GPBP1L1: variants seen among roughly 807,000 people sequenced by gnomAD.
The protein encoded by GPBP1L1 is GC-rich promoter binding protein 1 like 1.
A neutral mutation model predicts 52.5 loss-of-function variants in GPBP1L1; 23 were observed. That is an observed-to-expected ratio of 0.44 (90% CI 0.32 to 0.62). The LOEUF is 0.62. Ranked by LOEUF, GPBP1L1 falls within the 20% of genes least tolerant of loss-of-function variation. The pLI, the probability that GPBP1L1 is intolerant of heterozygous loss-of-function variation, is 0.06. For missense variants in GPBP1L1, 596 were observed against 579.3 expected (o/e 1.03, Z -0.30); for synonymous variants, 243 against 203.1 (o/e 1.20, Z -1.67).
At position 45,660,294 on chromosome 1, in the gene GPBP1L1, C is replaced by T; in HGVS notation, c.-166G>A. On this transcript the variant is annotated 5_prime_UTR_variant, in exon 3 of 13. Coordinates refer to ENST00000355105, the MANE Select transcript of GPBP1L1 (RefSeq NM_021639.5). ...TTAAGTAACCTGGCCGGCAGCACGA[C>T]TTATGATGAAGCACGAAGAAGCCAG... is the stretch of plus-strand genomic sequence containing the variant. 1.0e-6 allele frequency: 1 copy of T among 985,348 alleles called. No individual in the cohort carries two copies. Among genetic ancestry groups the T allele is most frequent in the Non-Finnish European group, 1.2e-6 (1 of 829,926 alleles). The allele number at this position is 985,348 out of a possible 1,614,324, so 61.0% of individuals were successfully genotyped here.
intron 6 of GPBP1L1, chr1:45,646,008 AG>A (rs1479136988): frequency 2.0e-6 from 1 of 507,700 alleles, no homozygotes; most frequent in Non-Finnish European, 3.9e-6. Flanking sequence ...CCTGCCTGTG[AG>A]GTTCACAATT....
At chr1:45,667,503 C>A (rs1001285954) in intron 2 of GPBP1L1, among the ~76,000 whole-genome samples, 6 of 152,144 alleles carry the variant, frequency 3.9e-5, no homozygotes, top group African/African-American at 1.4e-4. Flanking sequence ...ACCTCCCCGG[C>A]CAAGAGTCTT....
chr1:45,654,498 AT>A (rs767924033), intron 6 of GPBP1L1, 44 bp downstream of exon 6: 1 of 1,516,766 alleles, frequency 6.6e-7, no homozygotes, highest in Non-Finnish European at 8.9e-7. Flanking sequence ...TATTTCAGAC[AT>A]TATTTGTTGG....
intron 6 of GPBP1L1, among the ~76,000 whole-genome samples, chr1:45,647,931 CTG>C (rs1300201017): frequency 1.3e-5 from 2 of 152,082 alleles, no homozygotes; most frequent in East Asian, 3.9e-4. Context: ...GCATATATGT[CTG>C]TGTGTATGTT....
chr1:45,646,061 G>T, intron 6 of GPBP1L1: 1 of 487,342 alleles, frequency 2.1e-6, no homozygotes. Context: ...ATTTGCCAAT[G>T]TAACGATGCT....
At chr1:45,633,332 T>A (rs928784370) in intron 10 of GPBP1L1, among the ~76,000 whole-genome samples, 157 bp downstream of exon 10, 3 of 152,202 alleles carry the variant, frequency 2.0e-5, no homozygotes, top group African/African-American at 4.8e-5. Flanking sequence ...AGGATTAAAC[T>A]CACTTTACTA....
chr1:45,642,571 C>T, intron 6 of GPBP1L1, 72 bp from the exon 7 acceptor site: 1 of 1,024,542 alleles, frequency 9.8e-7, no homozygotes, highest in Non-Finnish European at 1.5e-6. Context: ...AAGTAGCCAT[C>T]ACCATGGAAC....
intron 2 of GPBP1L1, among the ~76,000 whole-genome samples, chr1:45,682,701 AAAT>A (rs1452203542): frequency 2.0e-5 from 3 of 152,232 alleles, no homozygotes; most frequent in Non-Finnish European, 2.9e-5. Context: ...TAGTAAAGAA[AAAT>A]AATAGGCTCT....
At chr1:45,656,900 G>C (rs1341268760) in intron 4 of GPBP1L1, among the ~76,000 whole-genome samples, 2 of 151,728 alleles carry the variant, frequency 1.3e-5, no homozygotes, top group African/African-American at 2.4e-5. Flanking sequence ...GCCCAAGCTG[G>C]TCTCAAACTC....
At chr1:45,672,935 G>A (rs1260446871) in intron 2 of GPBP1L1, among the ~76,000 whole-genome samples, 1 of 152,222 alleles carries the variant, frequency 6.6e-6, no homozygotes, top group Admixed American at 6.5e-5. Context: ...CAAGAGGGAA[G>A]GAACTGGAGA....
intron 6 of GPBP1L1, among the ~76,000 whole-genome samples, chr1:45,653,321 GT>G (rs1644841088): frequency 6.6e-6 from 1 of 152,084 alleles, no homozygotes; most frequent in East Asian, 1.9e-4. Context: ...ATCACTTGAG[GT>G]CAGGCATTTG....
At chr1:45,648,957 G>A (rs946708163) in intron 6 of GPBP1L1, among the ~76,000 whole-genome samples, 4 of 152,198 alleles carry the variant, frequency 2.6e-5, no homozygotes, top group South Asian at 4.1e-4. Context: ...TTGAACCCAC[G>A]AGGCGCAGGT....
At chr1:45,658,549 C>G (rs2148478632) in intron 4 of GPBP1L1, among the ~76,000 whole-genome samples, 1 of 152,294 alleles carries the variant, frequency 6.6e-6, no homozygotes, top group Non-Finnish European at 1.5e-5. Flanking sequence ...TGTGGACTGC[C>G]TAATTACTTA....
intron 2 of GPBP1L1, among the ~76,000 whole-genome samples, chr1:45,683,150 A>G (rs1011708415): frequency 4.7e-5 from 7 of 150,344 alleles, no homozygotes; most frequent in Admixed American, 4.6e-4. Flanking sequence ...GGCAGTGACC[A>G]TAACAGTCAA....
intron 2 of GPBP1L1, among the ~76,000 whole-genome samples, chr1:45,672,741 A>G (rs1434977467): frequency 8.5e-5 from 13 of 152,208 alleles, no homozygotes; most frequent in Admixed American, 6.5e-4. Flanking sequence ...GAGACTGAGG[A>G]AAAAAACCAT....
intron 12 of GPBP1L1, 30 bp downstream of exon 12, chr1:45,629,546 T>C: frequency 8.2e-7 from 1 of 1,224,426 alleles, no homozygotes; most frequent in Middle Eastern, 2.1e-4. Flanking sequence ...GGTTACTAAC[T>C]GGTCTCTAGG....
At chr1:45,634,336 TAA>T in intron 8 of GPBP1L1, 100 bp from the exon 9 acceptor site, 1 of 1,256,444 alleles carries the variant, frequency 8.0e-7, no homozygotes, top group Non-Finnish European at 1.1e-6. Context: ...CATGAGAACA[TAA>T]GTTTCCAGGG....
intron 4 of GPBP1L1, among the ~76,000 whole-genome samples, chr1:45,658,590 T>C (rs1220591197): frequency 6.6e-6 from 1 of 152,228 alleles, no homozygotes; most frequent in Non-Finnish European, 1.5e-5. Context: ...ATTAAGTCTA[T>C]GAAAATGTTT....
chr1:45,643,185 A>AAAACG (rs1375460585), intron 6 of GPBP1L1, among the ~76,000 whole-genome samples: 1 of 152,222 alleles, frequency 6.6e-6, no homozygotes, highest in Non-Finnish European at 1.5e-5. Context: ...CAAAGCTGGA[A>AAAACG]AAACGGTAAT....
Sources: allele counts gnomAD v4.1 joint callset (sites outside exome capture counted in the v4.1 genomes callset), GRCh38; gene constraint gnomAD v4.1.1; transcripts MANE v1.5; gene names NCBI Gene and HGNC (gene_info 2026-07-23, HGNC 2026-07-21).